Variants in CUX2 observed in about 807,000 individuals in gnomAD.
CUX2 encodes cut like homeobox 2.
A neutral mutation model predicts 144.8 loss-of-function variants in CUX2; 40 were observed. The ratio of observed to expected loss-of-function variants is 0.28; its 90% CI spans 0.21 to 0.36. The LOEUF is 0.36. Among genes scored for constraint, CUX2 ranks in the 10% least tolerant of loss-of-function variants. The probability of loss-of-function intolerance (pLI) is 1.00; values close to 1 mark genes in which losing one functional copy is unlikely to be tolerated. For synonymous variants in CUX2, 827 were observed against 875.6 expected (o/e 0.94, Z 0.98); for missense variants, 1,615 against 1,994.0 (o/e 0.81, Z 3.62).
At chr12:111,242,481 G>A (rs1883070956) in intron 3 of CUX2, among the ~76,000 whole-genome samples, 2 of 152,162 alleles carry the variant, frequency 1.3e-5, no homozygotes, top group Non-Finnish European at 2.9e-5. Flanking sequence ...CTTGCTCCGT[G>A]GCTCTTGATG....
chr12:111,045,246 A>C (rs1869941202), intron 1 of CUX2, among the ~76,000 whole-genome samples: 1 of 151,976 alleles, frequency 6.6e-6, no homozygotes, highest in Non-Finnish European at 1.5e-5. Context: ...CTCGTTTATA[A>C]TCGGGGGGAG....
intron 1 of CUX2, among the ~76,000 whole-genome samples, chr12:111,071,099 T>G (rs1030965847): frequency 1.2e-4 from 18 of 152,104 alleles, no homozygotes; most frequent in East Asian, 1.9e-4. Flanking sequence ...TTTTTTTTTT[T>G]TGTGGACATA....
At chr12:111,162,242 T>C (rs1877820822) in intron 1 of CUX2, among the ~76,000 whole-genome samples, 1 of 152,158 alleles carries the variant, frequency 6.6e-6, no homozygotes, top group Non-Finnish European at 1.5e-5. Context: ...CTTCCTCCAC[T>C]GGAAGTGAAA....
intron 1 of CUX2, among the ~76,000 whole-genome samples, chr12:111,206,013 G>A (rs1880901533): frequency 6.6e-6 from 1 of 152,228 alleles, no homozygotes; most frequent in Admixed American, 6.5e-5. Context: ...AGTGATACAT[G>A]TTAAGGAGAA....
chr12:111,069,537 T>TGTGTGTGTGCGCGCGC lies in CUX2; in HGVS notation c.63+35306_63+35307insCGCGCGCGTGTGTGTG, dbSNP rs1184262190. On this transcript the variant is annotated intron_variant, in intron 1 of 21. Coordinates refer to ENST00000261726, the MANE Select transcript of CUX2 (RefSeq NM_015267.4). ...GCCTTGCTCTGTGTGTGTGTGTGTG[T>TGTGTGTGTGCGCGCGC]GTGTGTGTGTGTGTGCGCGCGCGTG... Among the ~76,000 whole-genome samples, 27 of 134,896 alleles carry TGTGTGTGTGCGCGCGC rather than the reference T, an allele frequency of 2.0e-4. No homozygotes were observed. In the South Asian group the frequency reaches 5.5e-3, roughly 27 times the overall value. 88.5% of individuals were successfully genotyped at this position (134,896 alleles called of 152,430 possible). A position where few individuals can be genotyped will look rare whatever the true frequency, so the allele number is the denominator to read the frequency against.
chr12:111,105,703 C>A (rs1435427843), intron 1 of CUX2, among the ~76,000 whole-genome samples: 3 of 152,122 alleles, frequency 2.0e-5, no homozygotes, highest in Non-Finnish European at 4.4e-5. Context: ...TAGGTGGTAA[C>A]CTTGTGCAAG....
At position 111,341,849 on chromosome 12, in the gene CUX2, A is replaced by T; in HGVS notation, c.3455A>T (p.Glu1152Val). The T allele has an allele frequency of 6.2e-7, 1 of 1,613,716 alleles. No individual in the cohort carries two copies. The highest frequency in any genetic ancestry group is 8.5e-7 in the Non-Finnish European group (1 of 1,179,986). ...AGTGAGTCCCCGGCCACCCGCTCAG[A>T]GTGCCCCAGCCCCTGCCTGCAGCCC... ...SDSESPATRS[E>V]CPSPCLQPQD... The change falls in exon 21 of 22, where the codon GAG becomes GTG. Residue 1152 changes from glutamate to valine, a missense_variant. Physicochemically the swap from Glu to Val is moderately radical, Grantham distance 121. Around this residue, in one of 12 missense-constraint regions of CUX2, gnomAD observed 131 missense variants for 223.1 expected, o/e 0.59. Coordinates refer to ENST00000261726, the MANE Select transcript of CUX2 (RefSeq NM_015267.4).
chr12:111,125,307 G>C (rs905669656), intron 1 of CUX2, among the ~76,000 whole-genome samples: 1 of 151,970 alleles, frequency 6.6e-6, no homozygotes, highest in African/African-American at 2.4e-5. Flanking sequence ...AGCCACCTGA[G>C]TAGCTGGGAC....
chr12:111,332,018 G>T (rs1888139092), intron 18 of CUX2, among the ~76,000 whole-genome samples: 4 of 151,516 alleles, frequency 2.6e-5, no homozygotes, highest in South Asian at 4.2e-4. Flanking sequence ...AGGCTAGGTT[G>T]CAGTGCGCCA....
At chr12:111,047,146 C>A (rs756443277) in intron 1 of CUX2, among the ~76,000 whole-genome samples, 3 of 152,202 alleles carry the variant, frequency 2.0e-5, no homozygotes, top group African/African-American at 7.2e-5. Context: ...CGCTGGGTCC[C>A]GGAGCCGCGT....
Position 111,102,656 on chromosome 12 carries a change from A to G in CUX2, c.63+68416A>G, listed in dbSNP as rs1209801999. 3.9e-5 allele frequency among the ~76,000 whole-genome samples: 6 copies of G among 152,102 alleles called. No individual in the cohort carries two copies. In the South Asian group the frequency reaches 6.2e-4, roughly 16 times the overall value. On this transcript the variant is annotated intron_variant, in intron 1 of 21. Coordinates refer to ENST00000261726, the MANE Select transcript of CUX2 (RefSeq NM_015267.4). ...CCCCTCAAAGTAAATCCTTATTCCT[A>G]TTTTATGGGGAGAAAGCTGAGGCTT...
Position 111,059,764 on chromosome 12 carries a change from G to T in CUX2, c.63+25524G>T, listed in dbSNP as rs555539688. On this transcript the variant is annotated intron_variant, in intron 1 of 21. Transcript: ENST00000261726. This position sits in a 1 kb window ranked among gnomAD's most constrained non-coding sequence, Gnocchi z 5.3. ...ACCAAGGAGAAGGTGGTCGTGGGGG[G>T]TCCTCAGTCCTGGCTGGGATGCCGA... 5.3e-5 allele frequency among the ~76,000 whole-genome samples: 8 copies of T among 152,132 alleles called. No homozygotes were observed. In the South Asian group the frequency reaches 1.5e-3, roughly 28 times the overall value.
At chr12:111,092,481 G>A (rs999785881) in intron 1 of CUX2, among the ~76,000 whole-genome samples, 4 of 152,166 alleles carry the variant, frequency 2.6e-5, no homozygotes, top group Non-Finnish European at 4.4e-5. Flanking sequence ...CGGCTGTTGG[G>A]AAGACATCAC....
chr12:111,063,500 G>T (rs528761613), intron 1 of CUX2, among the ~76,000 whole-genome samples: 2 of 152,204 alleles, frequency 1.3e-5, no homozygotes, highest in Non-Finnish European at 2.9e-5. Context: ...TTGGGACATC[G>T]CGAGGCGGCA....
intron 1 of CUX2, among the ~76,000 whole-genome samples, chr12:111,179,755 C>T (rs903864221): frequency 2.0e-5 from 3 of 151,994 alleles, no homozygotes; most frequent in Non-Finnish European, 4.4e-5. Context: ...CAGCTCACTG[C>T]AACCTCCACC....
chr12:111,329,438 G>A (rs147405214), intron 18 of CUX2, among the ~76,000 whole-genome samples: 20 of 152,216 alleles, frequency 1.3e-4, no homozygotes, highest in African/African-American at 3.6e-4. Context: ...CGTCAGAAGC[G>A]ATTCTCAGTC....
chr12:111,132,767 C>G lies in CUX2; in HGVS notation c.64-81433C>G, dbSNP rs534173720. ...TTTTTTATTAGAGATGGGGTTTCAC[C>G]ACATTGGCTAGGCTGGTCTCAAACT... On this transcript the variant is annotated intron_variant, in intron 1 of 21. Coordinates refer to ENST00000261726, the MANE Select transcript of CUX2 (RefSeq NM_015267.4). Among the ~76,000 whole-genome samples the G allele has an allele frequency of 1.8e-3, 268 of 151,896 alleles. 1 individual carries two copies. Among genetic ancestry groups the G allele is most frequent in the Non-Finnish European group, 2.8e-3 (188 of 67,964 alleles).
At chr12:111,146,110 C>T (rs1010294452) in intron 1 of CUX2, among the ~76,000 whole-genome samples, 57 of 152,298 alleles carry the variant, frequency 3.7e-4, no homozygotes, top group African/African-American at 1.3e-3. Context: ...CGCCCCTACA[C>T]GGCACATTCT....
intron 1 of CUX2, among the ~76,000 whole-genome samples, chr12:111,115,817 C>G (rs573299514): frequency 6.6e-6 from 1 of 152,124 alleles, no homozygotes; most frequent in Non-Finnish European, 1.5e-5. Context: ...GCATTTGTCT[C>G]CCCCACTAGA....
Sources: allele counts gnomAD v4.1 joint callset (sites outside exome capture counted in the v4.1 genomes callset), GRCh38; gene constraint gnomAD v4.1.1; regional missense constraint gnomAD v4.1.1; non-coding constraint Gnocchi (gnomAD v3.1); transcripts MANE v1.5; gene names NCBI Gene and HGNC (gene_info 2026-07-23, HGNC 2026-07-21).